NAV3: variants seen among roughly 807,000 people sequenced by gnomAD.
NAV3 encodes neuron navigator 3.
A neutral mutation model predicts 244.7 loss-of-function variants in NAV3; 87 were observed. The ratio of observed to expected loss-of-function variants is 0.36; its 90% CI spans 0.30 to 0.42. The LOEUF is 0.42. Among genes scored for constraint, NAV3 ranks in the 20% least tolerant of loss-of-function variants. The probability of loss-of-function intolerance (pLI) is 1.00; values close to 1 mark genes in which losing one functional copy is unlikely to be tolerated. For synonymous variants in NAV3, 1,126 were observed against 1,042.2 expected, an observed-to-expected ratio of 1.08 and a Z score of -1.55; for missense variants, 2,663 against 2,893.3, an observed-to-expected ratio of 0.92 and a Z score of 1.83.
At chr12:77,986,096 T>A (rs1870456625) in intron 5 of NAV3, among the ~76,000 whole-genome samples, 2 of 152,216 alleles carry the variant, frequency 1.3e-5, no homozygotes, top group Non-Finnish European at 2.9e-5. Context: ...GCGCGGTGGC[T>A]CATGCCTGTA....
At chr12:78,145,093 A>C (rs1196605087) in intron 20 of NAV3, 1 of 308,236 alleles carries the variant, frequency 3.2e-6, no homozygotes, top group Admixed American at 4.7e-5. Context: ...TTATTCAAAA[A>C]CCAAACTGTG....
In NAV3 at chr12:77,994,820, C is replaced by T. The variant is rs2136401433; in HGVS notation, c.689C>T (p.Ala230Val). The T allele has an allele frequency of 6.2e-7, 1 of 1,610,968 alleles. No homozygotes were observed. Among genetic ancestry groups the T allele is most frequent in the Non-Finnish European group, 8.5e-7 (1 of 1,178,394 alleles). The change falls in exon 6 of 40, where the codon GCA (alanine) becomes GTA (valine). Residue 230 changes from alanine (A) to valine (V), a missense_variant. Around this residue, in one of 6 missense-constraint regions of NAV3, gnomAD observed 1,521 missense variants for 1,497.0 expected, o/e 1.02. Coordinates refer to ENST00000397909, the MANE Select transcript of NAV3 (RefSeq NM_001024383.2). ...DMQSSLAARYATQSNHSGIAT... is the reference protein window; with the variant it reads ...DMQSSLAARYVTQSNHSGIAT... Reference sequence around the variant, plus strand: ...TCATACAGTCTGGCAGCCAGATATGCAACTCAGTCTAATCACAGTGGAATT... The same window carrying T: ...TCATACAGTCTGGCAGCCAGATATGTAACTCAGTCTAATCACAGTGGAATT...
At chr12:77,761,809 A>T (rs1411020730) in intron 2 of NAV3, among the ~76,000 whole-genome samples, 1 of 152,186 alleles carries the variant, frequency 6.6e-6, no homozygotes, top group African/African-American at 2.4e-5. Flanking sequence ...AGAAATAGGA[A>T]TGCTTTTACA....
At chr12:77,901,367 T>G (rs1384456774) in intron 1 of NAV3, among the ~76,000 whole-genome samples, 2 of 152,172 alleles carry the variant, frequency 1.3e-5, no homozygotes, top group East Asian at 3.9e-4. Flanking sequence ...TTCTTACAAG[T>G]ATATCTTTAA....
chr12:77,994,905 G>T, intron 6 of NAV3, 34 bp downstream of exon 6: 2 of 1,402,958 alleles, frequency 1.4e-6, no homozygotes, highest in South Asian at 1.2e-5. Flanking sequence ...TTGCTTATTA[G>T]TGATATGCAA....
At chr12:77,922,637 C>T (rs184053719) in intron 1 of NAV3, among the ~76,000 whole-genome samples, 3 of 152,190 alleles carry the variant, frequency 2.0e-5, no homozygotes, top group East Asian at 1.9e-4. Flanking sequence ...CTTGTCCCCT[C>T]GGCCTGTGTT....
intron 1 of NAV3, among the ~76,000 whole-genome samples, chr12:77,882,245 C>A (rs1261788096): frequency 6.6e-6 from 1 of 151,954 alleles, no homozygotes; most frequent in African/African-American, 2.4e-5. Context: ...TAGAGCAATG[C>A]AACATAATAG....
At chr12:78,127,956 G>T (rs2138828595) in intron 17 of NAV3, among the ~76,000 whole-genome samples, 1 of 152,188 alleles carries the variant, frequency 6.6e-6, no homozygotes, top group East Asian at 1.9e-4. Flanking sequence ...GAGATAGAAT[G>T]ATCTACTAAT....
chr12:77,849,604 T>G (rs1379420831), intron 1 of NAV3, among the ~76,000 whole-genome samples: 1 of 152,178 alleles, frequency 6.6e-6, no homozygotes, highest in Non-Finnish European at 1.5e-5. Flanking sequence ...ATATGAAACA[T>G]AAATTTCTTG....
chr12:77,655,105 C>T (rs149091992), intron 2 of NAV3, among the ~76,000 whole-genome samples: 2,564 of 152,260 alleles, frequency 0.017, 88 homozygotes, highest in Admixed American at 0.088. Context: ...CAAAGCTGGA[C>T]GGAGAATGAC....
chr12:78,118,088 T>C lies in NAV3; in HGVS notation c.2831T>C (p.Leu944Pro), dbSNP rs1303357805. ...TDETWDSPEELKKPEEDFDSH... is the reference protein window; with the variant it reads ...TDETWDSPEEPKKPEEDFDSH... ...GAGACCTGGGATAGTCCTGAGGAAC[T>C]GAAAAAACCAGAAGAAGATTTTGAC... The change falls in exon 14 of 40, where the codon CTG becomes CCG. Residue 944 changes from leucine (L) to proline (P), a missense_variant. By Grantham distance (98) the Leu-to-Pro change is moderately conservative. Coordinates refer to ENST00000397909, the MANE Select transcript of NAV3 (RefSeq NM_001024383.2). 1 of 1,614,030 alleles carries C rather than the reference T, an allele frequency of 6.2e-7. No individual in the cohort carries two copies. Among genetic ancestry groups the C allele is most frequent in the South Asian group, 1.1e-5 (1 of 91,064 alleles).
At chr12:77,820,265 G>A (rs1872684119) in intron 2 of NAV3, among the ~76,000 whole-genome samples, 1 of 152,142 alleles carries the variant, frequency 6.6e-6, no homozygotes, top group East Asian at 1.9e-4. Flanking sequence ...CATTAGTGCT[G>A]TTATAACAGA....
chr12:77,962,384 G>A (rs950361386), intron 3 of NAV3, among the ~76,000 whole-genome samples: 1 of 152,024 alleles, frequency 6.6e-6, no homozygotes, highest in Non-Finnish European at 1.5e-5. Context: ...CCAACATGTC[G>A]AAAAAGAAAC....
intron 2 of NAV3, among the ~76,000 whole-genome samples, chr12:77,575,844 G>A (rs1475281488): frequency 6.6e-6 from 1 of 152,150 alleles, no homozygotes; most frequent in African/African-American, 2.4e-5. Flanking sequence ...TAAAAAGATA[G>A]TAGGATACAC....
At position 78,122,378 on chromosome 12, in the gene NAV3, C is replaced by G; in HGVS notation, c.4188C>G (p.Val1396=). The change falls in exon 16 of 40, where the codon GTC becomes GTG. Residue 1396 remains valine (V), a synonymous_variant. Coordinates refer to ENST00000397909, the MANE Select transcript of NAV3 (RefSeq NM_001024383.2). ...GACTGACCACAGGCACTCACGAGGT[C>G]CAGAGCCTGCTCATGAGAACGGGTA... ...LSGLTTGTHE[V]QSLLMRTGSV... is the part of the protein sequence containing the mutation. The G allele has an allele frequency of 1.2e-6, 2 of 1,613,226 alleles. No homozygotes were observed. Among genetic ancestry groups the G allele is most frequent in the Non-Finnish European group, 1.7e-6 (2 of 1,179,708 alleles).
chr12:77,636,632 A>C (rs879005413), intron 2 of NAV3, among the ~76,000 whole-genome samples: 11 of 152,150 alleles, frequency 7.2e-5, no homozygotes, highest in African/African-American at 2.7e-4. Flanking sequence ...TTGACCCAGC[A>C]ATCCCATTAC....
At chr12:77,914,563 A>G (rs945063434) in intron 1 of NAV3, among the ~76,000 whole-genome samples, 4 of 152,106 alleles carry the variant, frequency 2.6e-5, no homozygotes, top group Non-Finnish European at 4.4e-5. Context: ...GGTCAGAGGC[A>G]TGGACTAAAT....
At chr12:77,951,231 CAAAT>C (rs1157417758) in intron 3 of NAV3, among the ~76,000 whole-genome samples, 6 of 152,080 alleles carry the variant, frequency 3.9e-5, no homozygotes, top group Non-Finnish European at 7.4e-5. Flanking sequence ...AAGAAAAAAA[CAAAT>C]AACCCCATCA....
intron 3 of NAV3, among the ~76,000 whole-genome samples, chr12:77,946,818 T>C (rs959647282): frequency 6.6e-6 from 1 of 152,144 alleles, no homozygotes; most frequent in Non-Finnish European, 1.5e-5. Flanking sequence ...GTTAGACATG[T>C]AGGGTAAAAG....
Sources: gnomAD v4.1 joint callset for allele counts (sites outside exome capture counted in the v4.1 genomes callset) on GRCh38, gnomAD v4.1.1 for gene constraint, gnomAD v4.1.1 regional missense constraint, MANE v1.5 for transcripts, NCBI Gene and HGNC (gene_info 2026-07-23, HGNC 2026-07-21) for gene names.